PPRC1: variants seen among roughly 807,000 people sequenced by gnomAD.
PPRC1 encodes the protein peroxisome proliferator-activated receptor gamma coactivator-related protein 1.
Under a neutral mutation model 132.5 loss-of-function variants are expected in PPRC1, and 23 were observed. The ratio of observed to expected loss-of-function variants is 0.17; its 90% CI spans 0.12 to 0.25. The LOEUF (loss-of-function observed/expected upper bound fraction) is 0.25. Ranked by LOEUF, PPRC1 falls within the 10% of genes least tolerant of loss-of-function variation. The probability of loss-of-function intolerance (pLI) is 1.00; values close to 1 mark genes in which losing one functional copy is unlikely to be tolerated. For synonymous variants in PPRC1, 872 were observed against 833.5 expected (o/e 1.05, Z -0.80); for missense variants, 2,006 against 2,089.1 (o/e 0.96, Z 0.78).
the PPRC1 span, among the ~76,000 whole-genome samples, chr10:102,122,287 C>T: frequency 6.6e-6 from 1 of 152,064 alleles, no homozygotes; most frequent in Admixed American, 6.6e-5. Context: ...TAGGTTTGAA[C>T]GCAAGATTCG....
chr10:102,134,692 C>A (rs2068657279), intron 1 of PPRC1, among the ~76,000 whole-genome samples: 1 of 152,146 alleles, frequency 6.6e-6, no homozygotes, highest in Admixed American at 6.6e-5. Context: ...TCTTTTGGGG[C>A]TGGTGCTGCC....
chr10:102,128,158 TGA>T (rs2068491186), upstream of PPRC1, among the ~76,000 whole-genome samples: 1 of 151,954 alleles, frequency 6.6e-6, no homozygotes, highest in Non-Finnish European at 1.5e-5. Context: ...TTTTTTTTTT[TGA>T]GACAGAGTCT....
At chr10:102,143,800 C>G (rs184745294) in intron 6 of PPRC1, among the ~76,000 whole-genome samples, 3 of 152,244 alleles carry the variant, frequency 2.0e-5, no homozygotes, top group Admixed American at 2.0e-4. Flanking sequence ...AGCTGGCTTT[C>G]TTAGTATAAG....
rs543156372 is a variant in PPRC1 at position 102,139,944 on chromosome 10, T to C, written c.1436T>C (p.Leu479Pro). 2.2e-5 allele frequency: 35 copies of C among 1,614,244 alleles called. No individual in the cohort carries two copies. In the South Asian group the frequency reaches 3.2e-4, roughly 15 times the overall value. The change falls in exon 5 of 14, where the codon CTG becomes CCG. Residue 479 changes from leucine to proline, a missense_variant. Leu to Pro is a moderately conservative substitution (Grantham distance 98). Transcript: ENST00000278070. ...AACVEGYARRLRSSSRGQSTV... is the reference protein window; with the variant it reads ...AACVEGYARRPRSSSRGQSTV... ...TGTGTGGAAGGCTATGCCAGGAGGC[T>C]GAGGTCATCTTCTCGCGGGCAGTCT...
the PPRC1 span, chr10:102,120,417 C>T: frequency 5.1e-6 from 5 of 981,836 alleles, no homozygotes; most frequent in African/African-American, 8.8e-5. Flanking sequence ...CTGTGCGCTC[C>T]CGCCGCCGTC....
In PPRC1 at chr10:102,138,895, C is replaced by A. The variant is rs781710563; in HGVS notation, c.506C>A (p.Thr169Asn). The A allele has an allele frequency of 2.5e-6, 4 of 1,614,018 alleles. No homozygotes were observed. Among genetic ancestry groups the A allele is most frequent in the Non-Finnish European group, 2.5e-6 (3 of 1,179,890 alleles). The change falls in exon 4 of 14, where the codon ACT (threonine) becomes AAT (asparagine). Residue 169 changes from threonine (T) to asparagine (N), a missense_variant. This residue lies in a region of PPRC1 where 1,914 missense variants were observed against 1,917.2 expected (regional missense o/e 1.00). Coordinates refer to ENST00000278070, the MANE Select transcript of PPRC1 (RefSeq NM_015062.5). The stretch of plus-strand genomic sequence containing the variant: ...CCCTCTTAGCTGCACAAGCTGCTTA[C>A]TCTCTCTCGGACACCCCCAGAACGT... ...REGSSLHKLL[T>N]LSRTPPERDL...
At chr10:102,134,036 T>C (rs2068629304) in intron 1 of PPRC1, among the ~76,000 whole-genome samples, 1 of 151,546 alleles carries the variant, frequency 6.6e-6, no homozygotes, top group South Asian at 2.1e-4. Context: ...AGGAGTGAGT[T>C]TGTGGCGCTT....
Position 102,140,543 on chromosome 10 carries a change from A to T in PPRC1, c.2035A>T (p.Thr679Ser). The T allele has an allele frequency of 6.2e-7, 1 of 1,613,536 alleles. No homozygotes were observed. Among genetic ancestry groups the T allele is most frequent in the Non-Finnish European group, 8.5e-7 (1 of 1,179,912 alleles). The change falls in exon 5 of 14, where the codon ACT becomes TCT. Residue 679 changes from threonine (T) to serine (S), a missense_variant. Physicochemically the swap from Thr to Ser is moderately conservative, Grantham distance 58. This residue lies in a region of PPRC1 where 1,914 missense variants were observed against 1,917.2 expected (regional missense o/e 1.00). Transcript: ENST00000278070. ...GGTTGACCCTGTTCCTAATGACCTG[A>T]CTCCAGTTGACCCAGTGCTAGTTAA... ...ALVDPVPNDL[T>S]PVDPVLVKSR... is the part of the protein sequence containing the mutation.
In PPRC1 at chr10:102,141,829, C is replaced by A. The variant is rs771724594; in HGVS notation, c.3321C>A (p.Thr1107=). 4 of 1,614,024 alleles carry A rather than the reference C, an allele frequency of 2.5e-6. No homozygotes were observed. The highest frequency in any genetic ancestry group is 1.7e-6 in the Non-Finnish European group (2 of 1,179,992). ...SERLKPETQE[T]RPREKPPLPA... is the part of the protein sequence containing the mutation. ...GGCTAAAGCCTGAGACCCAAGAGAC[C>A]AGGCCCAGGGAGAAGCCCCCCTTGC... The change falls in exon 5 of 14, where the codon ACC becomes ACA. Residue 1107 remains threonine, a synonymous_variant. Transcript: ENST00000278070.
In PPRC1 at chr10:102,140,065, G is replaced by A; in HGVS notation, c.1557G>A (p.Gly519=). ...AGTCTGGGCCTCTCCAGGGTAAGGG[G>A]AAGCCCCGGGCTTGGGCTCGGGCCT... ...QKESGPLQGK[G]KPRAWARAWA... is the part of the protein sequence containing the mutation. Residue 519 remains glycine (G), a synonymous_variant, in exon 5 of 14, where the codon GGG becomes GGA. Transcript: ENST00000278070. The A allele has an allele frequency of 6.2e-7, 1 of 1,614,252 alleles. No individual in the cohort carries two copies. The highest frequency in any genetic ancestry group is 1.3e-5 in the African/African-American group (1 of 75,074).
In PPRC1 at chr10:102,140,748, G is replaced by C. The variant is rs772802236; in HGVS notation, c.2240G>C (p.Arg747Thr). 1 of 1,614,000 alleles carries C rather than the reference G, an allele frequency of 6.2e-7. No individual in the cohort carries two copies. Among genetic ancestry groups the C allele is most frequent in the Non-Finnish European group, 8.5e-7 (1 of 1,180,010 alleles). ...ACCAGTGCTACAACCCATGAAGCCA[G>C]ACCTCGGCCTCTCAGCTTATCTGAG... ...SGTSATTHEA[R>T]PRPLSLSEYR... is the part of the protein sequence containing the mutation. The change falls in exon 5 of 14, where the codon AGA becomes ACA. Residue 747 changes from arginine to threonine, a missense_variant. Around this residue, in one of 2 missense-constraint regions of PPRC1, gnomAD observed 1,914 missense variants for 1,917.2 expected, o/e 1.00. Coordinates refer to ENST00000278070, the MANE Select transcript of PPRC1 (RefSeq NM_015062.5).
chr10:102,129,152 C>T (rs947129403), upstream of PPRC1, among the ~76,000 whole-genome samples: 3 of 151,422 alleles, frequency 2.0e-5, no homozygotes, highest in South Asian at 2.1e-4. Flanking sequence ...AGGATGGTCT[C>T]GATCTCCTGA....
chr10:102,131,305 T>C (rs913046876), upstream of PPRC1, among the ~76,000 whole-genome samples: 1 of 151,668 alleles, frequency 6.6e-6, no homozygotes. Flanking sequence ...CACAGTGAGC[T>C]ATGCTATGAT....
At position 102,149,307 on chromosome 10, in the gene PPRC1, C is replaced by T; in HGVS notation, c.4869C>T (p.Cys1623=). ...GCTTTGGGGGCCGAAGGCAGTTCTGCAAGAGGAGCTATTCTGATCTTGGTG... is the reference window on the plus strand; with the variant it reads ...GCTTTGGGGGCCGAAGGCAGTTCTGTAAGAGGAGCTATTCTGATCTTGGTG... The part of the protein sequence containing the change: ...DLCFGGRRQF[C]KRSYSDLDSN... The change falls in exon 13 of 14, where the codon TGC becomes TGT. Residue 1623 remains cysteine, a synonymous_variant. Transcript: ENST00000278070. 6.2e-7 allele frequency: 1 copy of T among 1,603,062 alleles called. No homozygotes were observed. Among genetic ancestry groups the T allele is most frequent in the South Asian group, 1.1e-5 (1 of 89,576 alleles).
chr10:102,129,927 A>G (rs1462226363), upstream of PPRC1, among the ~76,000 whole-genome samples: 1 of 152,110 alleles, frequency 6.6e-6, no homozygotes, highest in Non-Finnish European at 1.5e-5. Flanking sequence ...TAGAGTATGC[A>G]TCTTCCACAC....
chr10:102,147,342 A>G lies in PPRC1; in HGVS notation c.4350A>G (p.Ser1450=). The part of the protein sequence containing the change: ...ASSSSSSSSS[S]SRSRSRSLSP... ...CCTCATCCTCATCATCGTCTTCCTC[A>G]TCCCGATCTCGGTCCAGGTCCCTCT... The change falls in exon 9 of 14, where the codon TCA becomes TCG. Residue 1450 remains serine (S), a synonymous_variant. Coordinates refer to ENST00000278070, the MANE Select transcript of PPRC1 (RefSeq NM_015062.5). 6.2e-7 allele frequency: 1 copy of G among 1,610,878 alleles called. No individual in the cohort carries two copies. The highest frequency in any genetic ancestry group is 8.5e-7 in the Non-Finnish European group (1 of 1,179,850).
chr10:102,149,064 G>C (rs2069397103), intron 12 of PPRC1, 114 bp from the exon 13 acceptor site: 1 of 1,527,760 alleles, frequency 6.5e-7, no homozygotes, highest in African/African-American at 1.4e-5. Context: ...TGCAGTCAGA[G>C]GGTTGGCCAC....
the PPRC1 span, among the ~76,000 whole-genome samples, chr10:102,125,958 G>C: frequency 2.0e-5 from 3 of 151,630 alleles, no homozygotes; most frequent in Non-Finnish European, 4.4e-5. Context: ...CGCCTCCCGG[G>C]TTCAAGCAAT....
At chr10:102,123,386 A>G in the PPRC1 span, among the ~76,000 whole-genome samples, 6 of 147,984 alleles carry the variant, frequency 4.1e-5, no homozygotes, top group South Asian at 8.7e-4. Context: ...AAGGGGGTGG[A>G]GTCTATGTGG....
Sources: allele counts gnomAD v4.1 joint callset (sites outside exome capture counted in the v4.1 genomes callset), GRCh38; gene constraint gnomAD v4.1.1; regional missense constraint gnomAD v4.1.1; transcripts MANE v1.5; gene names NCBI Gene and HGNC (gene_info 2026-07-23, HGNC 2026-07-21).